RPL31: variants seen among roughly 807,000 people sequenced by gnomAD.
RPL31 encodes ribosomal protein L31, also known as large ribosomal subunit protein eL31.
For missense variants in RPL31, 95 were observed against 164.0 expected (o/e 0.58, Z 2.30); for synonymous variants, 51 against 55.0 (o/e 0.93, Z 0.32).
intron 4 of RPL31, among the ~76,000 whole-genome samples, chr2:101,017,239 T>C (rs950258049): frequency 6.6e-6 from 1 of 152,122 alleles, no homozygotes; most frequent in Non-Finnish European, 1.5e-5. Context: ...GAATAGCGCC[T>C]GAAGGACCTG....
chr2:101,019,342 C>G (rs1264675208), exon 5 of RPL31: 3 of 250,790 alleles, frequency 1.2e-5, no homozygotes, highest in Non-Finnish European at 2.3e-5. Flanking sequence ...CATTTCGTAA[C>G]TAGTATGTCT....
At chr2:101,018,282 A>T (rs941793111) in intron 4 of RPL31, 1 of 197,238 alleles carries the variant, frequency 5.1e-6, no homozygotes, top group Non-Finnish European at 1.0e-5. Flanking sequence ...TTCATATTTT[A>T]TCAGTATGTG....
At chr2:101,007,890 A>C (rs779657723), downstream of RPL31, 74 of 1,613,872 alleles carry the variant, frequency 4.6e-5, 1 homozygote, top group Non-Finnish European at 6.0e-5. Context: ...GATTGTACTG[A>C]TTGATCTTGG....
exon 5 of RPL31, chr2:101,019,045 C>T: frequency 6.2e-7 from 1 of 1,610,604 alleles, no homozygotes; most frequent in Non-Finnish European, 8.5e-7. Flanking sequence ...ATAAAGGGAG[C>T]CCTCCTGGAA....
chr2:101,002,719 G>C lies in RPL31; in HGVS notation c.18G>C (p.Lys6Asn). The part of the protein sequence containing the change: MAPAK[K>N]GGEKKKGRSA... ...GCATTTAGATGGCTCCCGCAAAGAA[G>C]GGTGGCGAGAAGAAAAAGGGCCGTT... The change falls in exon 2 of 5, where the codon AAG (lysine) becomes AAC (asparagine). Residue 6 changes from lysine (K) to asparagine (N), a missense_variant. Lys to Asn is a moderately conservative substitution (Grantham distance 94, BLOSUM62 0). Coordinates refer to ENST00000264258, the MANE Select transcript of RPL31 (RefSeq NM_000993.5). 6.2e-7 allele frequency: 1 copy of C among 1,614,114 alleles called. No individual in the cohort carries two copies. The highest frequency in any genetic ancestry group is 1.1e-5 in the South Asian group (1 of 91,086).
At chr2:101,007,335 T>C (rs1040396831), downstream of RPL31, 2 of 154,456 alleles carry the variant, frequency 1.3e-5, no homozygotes, top group Admixed American at 6.4e-5. Flanking sequence ...CAACCAAATA[T>C]ATTAAAATGG....
chr2:101,008,548 C>CT (rs1246329691), downstream of RPL31, among the ~76,000 whole-genome samples: 13 of 152,282 alleles, frequency 8.5e-5, no homozygotes, highest in African/African-American at 3.1e-4. Context: ...GGCACAGTGG[C>CT]TCCCGCCTGT....
At chr2:101,017,832 A>C (rs1476691857) in intron 4 of RPL31, 2 of 1,550,244 alleles carry the variant, frequency 1.3e-6, no homozygotes, top group Non-Finnish European at 1.7e-6. Flanking sequence ...ACTAACAGTG[A>C]AGCAGCTACA....
downstream of RPL31, among the ~76,000 whole-genome samples, chr2:101,008,747 GGTT>G (rs760021436): frequency 6.6e-6 from 1 of 151,978 alleles, no homozygotes; most frequent in Non-Finnish European, 1.5e-5. Flanking sequence ...AGGAGGCAAA[GGTT>G]GTGGTAGTCA....
At chr2:101,009,860 C>T (rs1197056630), downstream of RPL31, among the ~76,000 whole-genome samples, 12 of 147,020 alleles carry the variant, frequency 8.2e-5, no homozygotes, top group African/African-American at 2.0e-4. Flanking sequence ...CTCGCTCTGT[C>T]GCCCAGGCTG....
At chr2:101,007,537 T>C, downstream of RPL31, 1 of 393,518 alleles carries the variant, frequency 2.5e-6, no homozygotes, top group Non-Finnish European at 4.6e-6. Flanking sequence ...GAGAGCAAAA[T>C]CAACACTAGC....
At chr2:101,015,844 T>C (rs905365130) in intron 4 of RPL31, among the ~76,000 whole-genome samples, 6 of 152,096 alleles carry the variant, frequency 3.9e-5, no homozygotes, top group Admixed American at 6.6e-5. Flanking sequence ...ATTTAATAAA[T>C]GGTGTTGGGA....
In RPL31 at chr2:101,006,364, A is replaced by T; in HGVS notation, c.361A>T (p.Asn121Tyr). Residue 121 changes from asparagine to tyrosine, a missense_variant, in exon 5 of 5, where the codon AAT (asparagine) becomes TAT (tyrosine). Coordinates refer to ENST00000264258, the MANE Select transcript of RPL31 (RefSeq NM_000993.5). ...TTCCTTTACAGATCTACAGACAGTC[A>T]ATGTGGATGAGAACTAATCGCTGAT... ...VTTFKNLQTV[N>Y]VDEN 3 of 1,610,804 alleles carry T rather than the reference A, an allele frequency of 1.9e-6. No homozygotes were observed. The highest frequency in any genetic ancestry group is 2.5e-6 in the Non-Finnish European group (3 of 1,179,164).
downstream of RPL31, chr2:101,008,246 G>A: frequency 6.4e-7 from 1 of 1,559,532 alleles, no homozygotes; most frequent in Non-Finnish European, 8.7e-7. Context: ...ATACTGTACA[G>A]AGTTTTACAG....
intron 4 of RPL31, among the ~76,000 whole-genome samples, chr2:101,013,594 C>T (rs889464708): frequency 1.1e-4 from 17 of 152,204 alleles, no homozygotes; most frequent in African/African-American, 3.1e-4. Flanking sequence ...CTTCATTGCT[C>T]CAACAGATAC....
chr2:101,007,600 A>G (rs753134705), downstream of RPL31: 8 of 541,114 alleles, frequency 1.5e-5, no homozygotes, highest in East Asian at 3.0e-5. Context: ...GTAAGTTGGC[A>G]TCAAGGGAAC....
chr2:101,008,450 A>G (rs1367366840), downstream of RPL31, among the ~76,000 whole-genome samples: 2 of 152,182 alleles, frequency 1.3e-5, no homozygotes, highest in East Asian at 3.9e-4. Flanking sequence ...ATTCCTGGGA[A>G]TTTCAGCACA....
At chr2:101,010,992 C>A (rs200284558), downstream of RPL31, 123 of 1,612,858 alleles carry the variant, frequency 7.6e-5, no homozygotes, top group Non-Finnish European at 9.8e-5. Context: ...CCTTAATCAT[C>A]TGCTTCAGCT....
In RPL31 at chr2:101,006,044, A is replaced by T; in HGVS notation, c.319A>T (p.Thr107Ser). The T allele has an allele frequency of 6.2e-7, 1 of 1,613,946 alleles. No individual in the cohort carries two copies. Among genetic ancestry groups the T allele is most frequent in the East Asian group, 2.2e-5 (1 of 44,890 alleles). ...ACCAAATAAGCTATATACTTTGGTT[A>T]CCTATGTACCTGTTACCACTTTCAA... ...DSPNKLYTLV[T>S]YVPVTTFKNL... Residue 107 changes from threonine (T) to serine (S), a missense_variant, in exon 4 of 5, where the codon ACC (threonine) becomes TCC (serine). Thr to Ser is a moderately conservative substitution (Grantham distance 58). Coordinates refer to ENST00000264258, the MANE Select transcript of RPL31 (RefSeq NM_000993.5).
Sources: gnomAD v4.1 joint callset for allele counts (sites outside exome capture counted in the v4.1 genomes callset) on GRCh38, gnomAD v4.1.1 for gene constraint, MANE v1.5 for transcripts, NCBI Gene and HGNC (gene_info 2026-07-23, HGNC 2026-07-21) for gene names.